The following ARRB1 variants were observed in gnomAD, a reference collection of about 807,000 sequenced individuals.
The protein encoded by ARRB1 is beta-arrestin-1.
ARRB1 carries 21 observed loss-of-function variants against 56.8 expected under a neutral mutation model. The observed-to-expected ratio is 0.37, with a 90% CI of 0.26 to 0.53. The LOEUF is 0.53. Among genes scored for constraint, ARRB1 ranks in the 20% least tolerant of loss-of-function variants. ARRB1 has a pLI of 0.88. For missense variants in ARRB1, 424 were observed against 553.7 expected (o/e 0.77, Z 2.35); for synonymous variants, 210 against 218.6 (o/e 0.96, Z 0.35).
chr11:75,298,460 T>TCA (rs1412221592), intron 1 of ARRB1, among the ~76,000 whole-genome samples: 1 of 152,150 alleles, frequency 6.6e-6, no homozygotes, highest in Non-Finnish European at 1.5e-5. Context: ...ATGTTCAGCA[T>TCA]CATCAGTCAT....
chr11:75,277,763 G>A (rs539570414), intron 8 of ARRB1, among the ~76,000 whole-genome samples: 1 of 152,366 alleles, frequency 6.6e-6, no homozygotes, highest in East Asian at 1.9e-4. Flanking sequence ...GTTCCCTGGT[G>A]GGACCCTTGA....
At chr11:75,339,656 C>T (rs1359358881) in intron 1 of ARRB1, among the ~76,000 whole-genome samples, 1 of 152,194 alleles carries the variant, frequency 6.6e-6, no homozygotes, top group African/African-American at 2.4e-5. Flanking sequence ...CTGTTTTGTC[C>T]CTGCTATAAA....
chr11:75,330,090 G>A (rs1022115001), intron 1 of ARRB1, among the ~76,000 whole-genome samples: 12 of 151,630 alleles, frequency 7.9e-5, no homozygotes, highest in Non-Finnish European at 7.4e-5. Context: ...ATAAATGAAC[G>A]AACGAACAAT....
At chr11:75,334,148 G>T (rs2134976808) in intron 1 of ARRB1, among the ~76,000 whole-genome samples, 1 of 152,198 alleles carries the variant, frequency 6.6e-6, no homozygotes, top group South Asian at 2.1e-4. Context: ...TGACCAACAT[G>T]GTGAAACCTC....
chr11:75,299,383 T>C (rs569522854), intron 1 of ARRB1, among the ~76,000 whole-genome samples: 1 of 152,158 alleles, frequency 6.6e-6, no homozygotes, highest in South Asian at 2.1e-4. Flanking sequence ...ATAAAGTACT[T>C]TATAAAGATG....
At chr11:75,332,539 CCTTT>C (rs1381902654) in intron 1 of ARRB1, among the ~76,000 whole-genome samples, 3 of 152,188 alleles carry the variant, frequency 2.0e-5, no homozygotes, top group African/African-American at 7.2e-5. Context: ...CTGAACATTT[CCTTT>C]CTAAGGATCC....
At chr11:75,286,079 C>A (rs1228358951) in intron 3 of ARRB1, among the ~76,000 whole-genome samples, 1 of 152,020 alleles carries the variant, frequency 6.6e-6, no homozygotes, top group Non-Finnish European at 1.5e-5. Flanking sequence ...CTGCTGACAG[C>A]CCCCTGGCCC....
chr11:75,351,431 CG>C (rs1947849685), intron 1 of ARRB1, among the ~76,000 whole-genome samples, 156 bp downstream of exon 1: 2 of 152,184 alleles, frequency 1.3e-5, no homozygotes, highest in Non-Finnish European at 2.9e-5. Flanking sequence ...ACGGCCCTGC[CG>C]GGGAGACCAC....
At chr11:75,289,942 C>T (rs1946565854) in intron 2 of ARRB1, 67 bp downstream of exon 2, 2 of 1,610,574 alleles carry the variant, frequency 1.2e-6, no homozygotes, top group Non-Finnish European at 1.7e-6. Context: ...GTTTCCTCTG[C>T]TTCCCAAGAG....
intron 1 of ARRB1, among the ~76,000 whole-genome samples, chr11:75,305,337 G>A (rs774038392): frequency 1.7e-4 from 26 of 151,752 alleles, no homozygotes; most frequent in Non-Finnish European, 3.7e-4. Flanking sequence ...AAGAAACCAT[G>A]CCTGGCCCAG....
At chr11:75,281,643 C>T (rs193166297) in intron 6 of ARRB1, 9 of 381,004 alleles carry the variant, frequency 2.4e-5, no homozygotes, top group African/African-American at 4.1e-5. Context: ...TGGGGATGAT[C>T]GCACTTTGAT....
chr11:75,347,680 G>A (rs991162566), intron 1 of ARRB1, among the ~76,000 whole-genome samples: 5 of 152,112 alleles, frequency 3.3e-5, no homozygotes, highest in African/African-American at 4.8e-5. Context: ...ATGCTTGCTG[G>A]CTGAATGGCA....
At chr11:75,272,819 A>G in intron 12 of ARRB1, 76 bp downstream of exon 12, 1 of 1,447,322 alleles carries the variant, frequency 6.9e-7, no homozygotes, top group Non-Finnish European at 9.7e-7. Context: ...AACAGGCAGA[A>G]TGGGGCAGGG....
At chr11:75,314,779 G>A (rs955062800) in intron 1 of ARRB1, among the ~76,000 whole-genome samples, 7 of 151,220 alleles carry the variant, frequency 4.6e-5, no homozygotes, top group African/African-American at 1.7e-4. Flanking sequence ...GCTCATTTTT[G>A]TATTTTTTGT....
rs1945781569 is a variant in ARRB1, at chr11:75,261,194, G to A, written c.*4969C>T. On this transcript the variant is annotated 3_prime_UTR_variant, in exon 16 of 16. Transcript: ENST00000420843. The stretch of plus-strand genomic sequence containing the variant: ...ATCAACTATGTACGTGTGTGTGTGT[G>A]TGTGTGTGTGTGTGTGTGTGTGTGT... The A allele has an allele frequency of 6.9e-6, 1 of 145,302 alleles. No homozygotes were observed. Among genetic ancestry groups the A allele is most frequent in the South Asian group, 2.1e-4 (1 of 4,770 alleles). The allele number at this position is 145,302 out of a possible 1,614,324, so 9.0% of individuals were successfully genotyped here. A position where few individuals can be genotyped will look rare whatever the true frequency, so the allele number is the denominator to read the frequency against.
intron 1 of ARRB1, among the ~76,000 whole-genome samples, chr11:75,309,196 G>A (rs1947104900): frequency 6.6e-6 from 1 of 152,206 alleles, no homozygotes; most frequent in African/African-American, 2.4e-5. Flanking sequence ...AAGTGCTCAG[G>A]CAGCCTGCCT....
intron 1 of ARRB1, chr11:75,335,180 A>T: frequency 4.1e-6 from 1 of 243,770 alleles, no homozygotes; most frequent in Middle Eastern, 4.7e-4. Context: ...CCCAACAGAC[A>T]GATGAGGCTC....
At chr11:75,326,848 G>T (rs1947444041) in intron 1 of ARRB1, among the ~76,000 whole-genome samples, 1 of 151,196 alleles carries the variant, frequency 6.6e-6, no homozygotes, top group Non-Finnish European at 1.5e-5. Context: ...GGGACTACAG[G>T]CATGCCCCAC....
At chr11:75,271,550 TTG>T (rs1476321143) in intron 13 of ARRB1, 149 bp downstream of exon 13, 2 of 794,954 alleles carry the variant, frequency 2.5e-6, no homozygotes, top group East Asian at 3.0e-5. Flanking sequence ...TAAGGAGAAA[TTG>T]TGTCTCCCAG....
Sources: allele counts gnomAD v4.1 joint callset (sites outside exome capture counted in the v4.1 genomes callset), GRCh38; gene constraint gnomAD v4.1.1; transcripts MANE v1.5; gene names NCBI Gene and HGNC (gene_info 2026-07-23, HGNC 2026-07-21).